IGDCC4: variants seen among roughly 807,000 people sequenced by gnomAD.
IGDCC4 encodes the protein likely ortholog of mouse neighbor of Punc E11.
A neutral mutation model predicts 116.6 loss-of-function variants in IGDCC4; 72 were observed. The observed-to-expected ratio is 0.62, with a 90% CI of 0.51 to 0.75. The LOEUF (loss-of-function observed/expected upper bound fraction) is 0.75. IGDCC4 is among the 30% of genes least tolerant of loss of function. IGDCC4 has a pLI of 0.00. For synonymous variants in IGDCC4, 709 were observed against 719.9 expected (o/e 0.98, Z 0.24); for missense variants, 1,501 against 1,662.4 (o/e 0.90, Z 1.69).
In IGDCC4 at chr15:65,422,844, C is replaced by A. The variant is rs372599124; in HGVS notation, c.19G>T (p.Gly7Cys). 1.2e-5 allele frequency: 14 copies of A among 1,202,644 alleles called. No homozygotes were observed. The East Asian group carries it at 3.9e-4, about 33-fold the overall frequency. 74.5% of individuals were successfully genotyped at this position (1,202,644 alleles called of 1,614,324 possible). Residue 7 changes from glycine (G) to cysteine (C), a missense_variant, in exon 1 of 20, where the codon GGC (glycine) becomes TGC (cysteine). Transcript: ENST00000352385. ...AACGCGAGGAGCCCGCGGCCGCGGC[C>A]GGCGTCCCCCCGCGCCATGGGGCTG... Reference protein sequence around the residue: MARGDAGRGRGLLALTF... With the variant: MARGDACRGRGLLALTF...
chr15:65,390,257 C>T lies in IGDCC4; in HGVS notation c.2306G>A (p.Arg769Gln), dbSNP rs753949820. The change falls in exon 13 of 20, where the codon CGG (arginine) becomes CAG (glutamine). Residue 769 changes from arginine (R) to glutamine (Q), a missense_variant. Physicochemically the swap from Arg to Gln is conservative, Grantham distance 43. This residue lies in a region of IGDCC4 where 235 missense variants were observed against 328.0 expected (regional missense o/e 0.72). Coordinates refer to ENST00000352385, the MANE Select transcript of IGDCC4 (RefSeq NM_020962.3). Reference sequence around the variant, plus strand: ...TGTGGTGAAATCTGGCTTTTTCCACCGAAGCCAGATGGATGTGGAGCTGTT... The same window carrying T: ...TGTGGTGAAATCTGGCTTTTTCCACTGAAGCCAGATGGATGTGGAGCTGTT... ...ESNSSTSIWL[R>Q]WKKPDFTTVK... 8.1e-6 allele frequency: 13 copies of T among 1,613,330 alleles called. No homozygotes were observed. The highest frequency in any genetic ancestry group is 2.7e-5 in the African/African-American group (2 of 74,886).
At position 65,384,490 on chromosome 15, in the gene IGDCC4, G is replaced by T; in HGVS notation, c.3343-71C>A. 3 of 1,417,558 alleles carry T rather than the reference G, an allele frequency of 2.1e-6. No individual in the cohort carries two copies. The highest frequency in any genetic ancestry group is 1.9e-4 in the Middle Eastern group (1 of 5,400). The allele number at this position is 1,417,558 out of a possible 1,614,324, so 87.8% of individuals were successfully genotyped here. ...GTAATCATCAGAATGACCAGCGTAC[G>T]TGGGGCAGAAAGTCTGACCCTCCAT... On this transcript the variant is annotated intron_variant, in intron 19 of 19. Transcript: ENST00000352385. The surrounding 1 kb of genome is among the most constrained non-coding windows in gnomAD (Gnocchi z 4.9).
At chr15:65,396,383 C>T (rs2062927685) in intron 6 of IGDCC4, 2 of 694,860 alleles carry the variant, frequency 2.9e-6, no homozygotes, top group African/African-American at 1.8e-5. Flanking sequence ...TTCTCTTTCT[C>T]TCCCAAAACT....
chr15:65,397,056 C>CCT, intron 5 of IGDCC4, 67 bp from the exon 6 acceptor site: 1 of 1,527,080 alleles, frequency 6.5e-7, no homozygotes, highest in African/African-American at 1.4e-5. Context: ...AGTCTCCGAA[C>CCT]CTCAGGAACA....
intron 3 of IGDCC4, among the ~76,000 whole-genome samples, chr15:65,407,110 C>G (rs1458764667): frequency 1.3e-5 from 2 of 152,098 alleles, no homozygotes; most frequent in Non-Finnish European, 2.9e-5. Context: ...GTCTGACACT[C>G]TGAGTACTAA....
At chr15:65,421,649 G>GCAGCAGCTGGAGAGAAATCCC (rs2063191659) in intron 1 of IGDCC4, among the ~76,000 whole-genome samples, 2 of 151,758 alleles carry the variant, frequency 1.3e-5, no homozygotes, top group African/African-American at 4.8e-5. Flanking sequence ...CTGGAAAGCC[G>GCAGCAGCTGGAGAGAAATCCC]CAGCAGCTGG....
rs1289818409 is a variant in IGDCC4, at chr15:65,422,914, G to A, written c.-52C>T. Reference sequence around the variant, plus strand: ...GCCGCCGCCTCCCCGTGCTTCGGCCGCCGCCGCGGGGGGAGAGCGCGCCGG... The same window carrying A: ...GCCGCCGCCTCCCCGTGCTTCGGCCACCGCCGCGGGGGGAGAGCGCGCCGG... On this transcript the variant is annotated 5_prime_UTR_variant, in exon 1 of 20. Coordinates refer to ENST00000352385, the MANE Select transcript of IGDCC4 (RefSeq NM_020962.3). 3.1e-6 allele frequency: 3 copies of A among 978,840 alleles called. No individual in the cohort carries two copies. Among genetic ancestry groups the A allele is most frequent in the Non-Finnish European group, 3.6e-6 (3 of 824,810 alleles). 60.6% of individuals were successfully genotyped at this position (978,840 alleles called of 1,614,324 possible). A position where few individuals can be genotyped will look rare whatever the true frequency, so the allele number is the denominator to read the frequency against.
chr15:65,400,792 C>A lies in IGDCC4; in HGVS notation c.841+14G>T. Reference sequence around the variant, plus strand: ...CCCTTCCCATGCCCTCCTTCTCCCACCCCCTCCACTCACCTTGTCGGACCC... The same window carrying A: ...CCCTTCCCATGCCCTCCTTCTCCCAACCCCTCCACTCACCTTGTCGGACCC... On this transcript the variant is annotated intron_variant, in intron 5 of 19. Coordinates refer to ENST00000352385, the MANE Select transcript of IGDCC4 (RefSeq NM_020962.3). 1.9e-6 allele frequency: 3 copies of A among 1,582,338 alleles called. No individual in the cohort carries two copies. Among genetic ancestry groups the A allele is most frequent in the Non-Finnish European group, 1.7e-6 (2 of 1,162,082 alleles).
intron 15 of IGDCC4, 27 bp downstream of exon 15, chr15:65,388,781 C>A (rs770394102): frequency 3.2e-5 from 51 of 1,613,504 alleles, no homozygotes; most frequent in Non-Finnish European, 4.3e-5. Context: ...AGCTCTTGAG[C>A]AGATGCCCTG....
At chr15:65,392,395 G>A (rs769677930) in intron 10 of IGDCC4, 25 bp from the exon 11 acceptor site, 13 of 1,466,886 alleles carry the variant, frequency 8.9e-6, no homozygotes, top group Non-Finnish European at 1.1e-5. Flanking sequence ...AGCAGGATGG[G>A]AAAATTAAGG....
At chr15:65,401,900 G>T (rs1411293303) in intron 4 of IGDCC4, among the ~76,000 whole-genome samples, 1 of 152,180 alleles carries the variant, frequency 6.6e-6, no homozygotes, top group Non-Finnish European at 1.5e-5. Flanking sequence ...TAAAGGATAA[G>T]AGCACTAGGC....
chr15:65,392,362 C>T lies in IGDCC4; in HGVS notation c.1894G>A (p.Ala632Thr). 6.6e-7 allele frequency: 1 copy of T among 1,521,316 alleles called. No individual in the cohort carries two copies. Among genetic ancestry groups the T allele is most frequent in the Non-Finnish European group, 8.8e-7 (1 of 1,131,926 alleles). The allele number at this position is 1,521,316 out of a possible 1,614,324, so 94.2% of individuals were successfully genotyped here. The change falls in exon 11 of 20, where the codon GCC becomes ACC. Residue 632 changes from alanine (A) to threonine (T), a missense_variant. Physicochemically the swap from Ala to Thr is moderately conservative, Grantham distance 58. Coordinates refer to ENST00000352385, the MANE Select transcript of IGDCC4 (RefSeq NM_020962.3). ...SMHNQSHVPF[A>T]PAELKVQAKM... is the part of the protein sequence containing the mutation. Reference sequence around the variant, plus strand: ...GCCTGCACCTTCAACTCTGCAGGGGCAAAAGGGACTGGGGGGCAGAGGAGC... The same window carrying T: ...GCCTGCACCTTCAACTCTGCAGGGGTAAAAGGGACTGGGGGGCAGAGGAGC...
chr15:65,406,670 T>C (rs1301409719), intron 3 of IGDCC4, among the ~76,000 whole-genome samples: 2 of 152,246 alleles, frequency 1.3e-5, no homozygotes, highest in Non-Finnish European at 2.9e-5. Flanking sequence ...ATACATACCT[T>C]GGGCATAATC....
Position 65,393,377 on chromosome 15 carries a change from C to T in IGDCC4, c.1869G>A (p.Met623Ile). 4 of 1,611,752 alleles carry T rather than the reference C, an allele frequency of 2.5e-6. No individual in the cohort carries two copies. Among genetic ancestry groups the T allele is most frequent in the Non-Finnish European group, 3.4e-6 (4 of 1,178,804 alleles). ...ACCCCGTACCATGGCTCTGGTTGTG[C>T]ATACTGGGCGTCCTGTGATGCATCC... ...SQWMHHRTPS[M>I]HNQSHVPFAP... Residue 623 changes from methionine to isoleucine, a missense_variant, in exon 10 of 20, where the codon ATG becomes ATA. Met to Ile is a conservative substitution (Grantham distance 10). Around this residue, in one of 3 missense-constraint regions of IGDCC4, gnomAD observed 898 missense variants for 978.9 expected, o/e 0.92. Coordinates refer to ENST00000352385, the MANE Select transcript of IGDCC4 (RefSeq NM_020962.3). The surrounding 1 kb of genome is among the most constrained non-coding windows in gnomAD (Gnocchi z 4.6).
chr15:65,396,723 C>T, intron 6 of IGDCC4, 111 bp downstream of exon 6: 3 of 1,364,212 alleles, frequency 2.2e-6, no homozygotes, highest in East Asian at 2.5e-5. Context: ...CTGAGTTCGT[C>T]CTCCAGGAGA....
At chr15:65,422,349 G>C (rs2063200494) in intron 1 of IGDCC4, among the ~76,000 whole-genome samples, 1 of 151,904 alleles carries the variant, frequency 6.6e-6, no homozygotes, top group African/African-American at 2.4e-5. Flanking sequence ...CCCAAATGGA[G>C]GTGCAGACAC....
rs1026202175 is a variant in IGDCC4, at chr15:65,422,597, G to A, written c.70+196C>T. Among the ~76,000 whole-genome samples, 98 of 150,156 alleles carry A rather than the reference G, an allele frequency of 6.5e-4. 1 individual carries two copies. Among genetic ancestry groups the A allele is most frequent in the African/African-American group, 2.3e-3 (95 of 40,532 alleles). The stretch of plus-strand genomic sequence containing the variant: ...CGAACCAAAGGCACACACCCACTGC[G>A]GACAAGCACGCCCCACAAACGCCCC... On this transcript the variant is annotated intron_variant, in intron 1 of 19. Transcript: ENST00000352385.
rs532156189 is a variant in IGDCC4 at position 65,421,908 on chromosome 15, C to T, written c.70+885G>A. On this transcript the variant is annotated intron_variant, in intron 1 of 19. Transcript: ENST00000352385. Reference sequence around the variant, plus strand: ...ACCCTTGGGGACTTCGCTATCCCCTCCCCAGCCCTTTCTCCAGCTTGGACA... The same window carrying T: ...ACCCTTGGGGACTTCGCTATCCCCTTCCCAGCCCTTTCTCCAGCTTGGACA... 2.6e-5 allele frequency among the ~76,000 whole-genome samples: 4 copies of T among 152,212 alleles called. No individual in the cohort carries two copies. The South Asian group carries it at 6.2e-4, about 24-fold the overall frequency.
Position 65,393,833 on chromosome 15 carries a change from C to T in IGDCC4, c.1715-302G>A, listed in dbSNP as rs962230832. On this transcript the variant is annotated intron_variant, in intron 9 of 19. Transcript: ENST00000352385. The surrounding 1 kb of genome is among the most constrained non-coding windows in gnomAD (Gnocchi z 4.6). ...CATCCCCTGCCAACACACACACACA[C>T]GGGATGCAGACACAAGAGGCTGACC... Among the ~76,000 whole-genome samples, 2 of 152,176 alleles carry T rather than the reference C, an allele frequency of 1.3e-5. No homozygotes were observed. Among genetic ancestry groups the T allele is most frequent in the African/African-American group, 4.8e-5 (2 of 41,432 alleles).
Sources: gnomAD v4.1 joint callset for allele counts (sites outside exome capture counted in the v4.1 genomes callset) on GRCh38, gnomAD v4.1.1 for gene constraint, gnomAD v4.1.1 regional missense constraint, Gnocchi (gnomAD v3.1) non-coding constraint, MANE v1.5 for transcripts, NCBI Gene and HGNC (gene_info 2026-07-23, HGNC 2026-07-21) for gene names.